The following CFAP77 variants were observed in gnomAD, a reference collection of about 807,000 sequenced individuals.
CFAP77 encodes the protein cilia- and flagella-associated protein 77.
A neutral mutation model predicts 31.1 loss-of-function variants in CFAP77; 25 were observed. The ratio of observed to expected loss-of-function variants is 0.80; its 90% CI spans 0.59 to 1.12. The LOEUF is 1.12. Ranked by LOEUF, CFAP77 falls within the 50% of genes most tolerant of loss-of-function variation. CFAP77 has a pLI of 0.00. For missense variants in CFAP77, 377 were observed against 397.3 expected, an observed-to-expected ratio of 0.95 and a Z score of 0.44; for synonymous variants, 151 against 159.9, an observed-to-expected ratio of 0.94 and a Z score of 0.42.
In CFAP77 at chr9:132,424,284, C is replaced by T. The variant is rs536568485; in HGVS notation, c.195+13818C>T. Among the ~76,000 whole-genome samples, 1 of 152,244 alleles carries T rather than the reference C, an allele frequency of 6.6e-6. No homozygotes were observed. The highest frequency in any genetic ancestry group is 6.5e-5 in the Admixed American group (1 of 15,292). On this transcript the variant is annotated intron_variant, in intron 1 of 5. Transcript: ENST00000393216. This position sits in a 1 kb window ranked among gnomAD's most constrained non-coding sequence, Gnocchi z 4.1. The stretch of plus-strand genomic sequence containing the variant: ...CGGCATGGCCTCGGGTGCCTGTAGT[C>T]CCAGCTACTCAGGAGGCTGAGGCAG...
chr9:132,447,367 C>G lies in CFAP77; in HGVS notation c.195+36901C>G, dbSNP rs139137437. ...TCATTGTTGTGTTAGAGGACCTCTT[C>G]CAAGAAAGGAGAAGTCATATTATTC... is the stretch of plus-strand genomic sequence containing the variant. On this transcript the variant is annotated intron_variant, in intron 1 of 5. Coordinates refer to ENST00000393216, the MANE Select transcript of CFAP77 (RefSeq NM_001282957.2). Among the ~76,000 whole-genome samples, 64 of 152,300 alleles carry G rather than the reference C, an allele frequency of 4.2e-4. 1 individual carries two copies. The East Asian group carries it at 0.012, about 28-fold the overall frequency.
At chr9:132,453,749 T>C (rs1318032889) in intron 1 of CFAP77, among the ~76,000 whole-genome samples, 1 of 152,198 alleles carries the variant, frequency 6.6e-6, no homozygotes, top group Non-Finnish European at 1.5e-5. Context: ...CTTGGATTCT[T>C]GGGTAGGAGT....
Position 132,495,548 on chromosome 9 carries a change from G to A in CFAP77, c.196-3147G>A, listed in dbSNP as rs530495451. On this transcript the variant is annotated intron_variant, in intron 1 of 5. Transcript: ENST00000393216. This position sits in a 1 kb window ranked among gnomAD's most constrained non-coding sequence, Gnocchi z 4.2. ...CACCCTGCAGGGTCCCCATGCACCC[G>A]CCTGAAACTCAGAGCCCCATCACTC... 1.2e-3 allele frequency among the ~76,000 whole-genome samples: 187 copies of A among 152,256 alleles called. No individual in the cohort carries two copies. The highest frequency in any genetic ancestry group is 3.5e-3 in the African/African-American group (144 of 41,548).
At chr9:132,485,686 T>C (rs1851528676) in intron 1 of CFAP77, among the ~76,000 whole-genome samples, 1 of 152,022 alleles carries the variant, frequency 6.6e-6, no homozygotes, top group African/African-American at 2.4e-5. Flanking sequence ...CAAGTGACAC[T>C]TGACTGCAAA....
chr9:132,510,604 C>T (rs773918489), intron 3 of CFAP77, among the ~76,000 whole-genome samples: 15 of 152,196 alleles, frequency 9.9e-5, no homozygotes, highest in Non-Finnish European at 2.1e-4. Flanking sequence ...AGAATGAGCG[C>T]GTCATGCAGA....
intron 3 of CFAP77, among the ~76,000 whole-genome samples, chr9:132,507,339 C>T (rs964278674): frequency 3.3e-5 from 5 of 152,172 alleles, no homozygotes; most frequent in Non-Finnish European, 7.3e-5. Context: ...CACGTGCAAC[C>T]TGAGTAGCAT....
intron 1 of CFAP77, among the ~76,000 whole-genome samples, chr9:132,478,619 G>A (rs578529): frequency 0.47 from 71,272 of 152,008 alleles, 16,812 homozygotes; most frequent in Admixed American, 0.55. Flanking sequence ...CAAAAAACGC[G>A]AGGCTTCTCC....
intron 1 of CFAP77, among the ~76,000 whole-genome samples, chr9:132,466,309 C>G (rs764433875): frequency 6.6e-6 from 1 of 152,106 alleles, no homozygotes. Flanking sequence ...TTTACTCTCA[C>G]GACAGGACCC....
rs1167700581 is a variant in CFAP77, at chr9:132,497,675, C to T, written c.196-1020C>T. On this transcript the variant is annotated intron_variant, in intron 1 of 5. Coordinates refer to ENST00000393216, the MANE Select transcript of CFAP77 (RefSeq NM_001282957.2). This position sits in a 1 kb window ranked among gnomAD's most constrained non-coding sequence, Gnocchi z 4.9. ...ACCTGAGGCAACCTGTCGGATCTCT[C>T]TGTGCCTCAGCTTCCCCCTGAGAAA... Among the ~76,000 whole-genome samples the T allele has an allele frequency of 6.6e-6, 1 of 152,154 alleles. No individual in the cohort carries two copies. Among genetic ancestry groups the T allele is most frequent in the East Asian group, 1.9e-4 (1 of 5,176 alleles).
rs533275755 is a variant in CFAP77, at chr9:132,521,778, T to TTTTTTTTTTTTTTG, written c.525-15817_525-15816insTTTTTTTGTTTTTT. Among the ~76,000 whole-genome samples the TTTTTTTTTTTTTTG allele has an allele frequency of 1.9e-4, 20 of 106,150 alleles. 1 individual carries two copies. The highest frequency in any genetic ancestry group is 6.1e-4 in the African/African-American group (16 of 26,048). The allele number at this position is 106,150 out of a possible 152,430, so 69.6% of individuals were successfully genotyped here. A position where few individuals can be genotyped will look rare whatever the true frequency, so the allele number is the denominator to read the frequency against. On this transcript the variant is annotated intron_variant, in intron 3 of 5. Coordinates refer to ENST00000393216, the MANE Select transcript of CFAP77 (RefSeq NM_001282957.2). ...ATAGACTTGCTTTTTTTTTTTTTTT[T>TTTTTTTTTTTTTTG]TTTTTTGAGATGAAGTCTCACTCTG...
At chr9:132,548,737 C>G (rs976232080) in intron 5 of CFAP77, among the ~76,000 whole-genome samples, 2 of 151,720 alleles carry the variant, frequency 1.3e-5, no homozygotes, top group Admixed American at 6.6e-5. Flanking sequence ...CCCCTCCCCC[C>G]ACAGTCCTTG....
At position 132,499,034 on chromosome 9, in the gene CFAP77, C is replaced by CT. The variant is rs989857700; in HGVS notation, c.295+240_295+241insT. ...AGCATGGGTATCCCCGCACCGCCCC[C>CT]CTTCCCCGCCGCCGGCAGGGACTGT... On this transcript the variant is annotated intron_variant, in intron 2 of 5. Transcript: ENST00000393216. This position sits in a 1 kb window ranked among gnomAD's most constrained non-coding sequence, Gnocchi z 5.4. Among the ~76,000 whole-genome samples, 4 of 152,230 alleles carry CT rather than the reference C, an allele frequency of 2.6e-5. No homozygotes were observed. The highest frequency in any genetic ancestry group is 2.1e-4 in the South Asian group (1 of 4,828).
chr9:132,486,599 C>A (rs1851563094), intron 1 of CFAP77, among the ~76,000 whole-genome samples: 1 of 152,232 alleles, frequency 6.6e-6, no homozygotes, highest in Non-Finnish European at 1.5e-5. Context: ...TTCCTTCCAA[C>A]CTCTCACGTT....
intron 1 of CFAP77, among the ~76,000 whole-genome samples, chr9:132,488,686 C>T (rs1436121464): frequency 6.6e-6 from 1 of 152,180 alleles, no homozygotes; most frequent in African/African-American, 2.4e-5. Context: ...TAGCTAGCCC[C>T]AGTAGTTCTC....
chr9:132,431,139 T>A (rs1243788842), intron 1 of CFAP77, among the ~76,000 whole-genome samples: 2 of 152,270 alleles, frequency 1.3e-5, no homozygotes, highest in South Asian at 2.1e-4. Context: ...CCTGAGCCCA[T>A]ACAAAAGGCA....
intron 5 of CFAP77, among the ~76,000 whole-genome samples, chr9:132,557,638 T>G (rs748956631): frequency 6.6e-6 from 1 of 152,240 alleles, no homozygotes; most frequent in Non-Finnish European, 1.5e-5. Context: ...CTCCCCAAGC[T>G]GACTATGGGA....
rs754805190 is a variant in CFAP77 at position 132,537,589 on chromosome 9, T to G, written c.525-12T>G. 1.2e-6 allele frequency: 2 copies of G among 1,603,672 alleles called. No homozygotes were observed. The highest frequency in any genetic ancestry group is 2.7e-5 in the African/African-American group (2 of 74,638). On this transcript the variant is annotated splice_polypyrimidine_tract_variant and intron_variant, in intron 3 of 5. Coordinates refer to ENST00000393216, the MANE Select transcript of CFAP77 (RefSeq NM_001282957.2). Reference sequence around the variant, plus strand: ...CGGGGCCTCAAGCTCTGTCTGGACTTCTTCCCTCCAGGCCTTCCACACCCT... The same window carrying G: ...CGGGGCCTCAAGCTCTGTCTGGACTGCTTCCCTCCAGGCCTTCCACACCCT...
chr9:132,568,982 G>T (rs1435373283), intron 5 of CFAP77, among the ~76,000 whole-genome samples: 1 of 152,162 alleles, frequency 6.6e-6, no homozygotes, highest in Non-Finnish European at 1.5e-5. Context: ...TTACAGGTGT[G>T]AGTCACCTTG....
intron 1 of CFAP77, among the ~76,000 whole-genome samples, chr9:132,460,181 T>C (rs1309924455): frequency 6.6e-6 from 1 of 152,136 alleles, no homozygotes; most frequent in South Asian, 2.1e-4. Context: ...TCTCTCTGCC[T>C]TTGCTCTTGC....
Sources: gnomAD v4.1 joint callset for allele counts (sites outside exome capture counted in the v4.1 genomes callset) on GRCh38, gnomAD v4.1.1 for gene constraint, Gnocchi (gnomAD v3.1) non-coding constraint, MANE v1.5 for transcripts, NCBI Gene and HGNC (gene_info 2026-07-23, HGNC 2026-07-21) for gene names.